LRMDA: variants seen among roughly 807,000 people sequenced by gnomAD.
LRMDA encodes leucine-rich melanocyte differentiation-associated protein.
LRMDA carries 18 observed loss-of-function variants against 29.8 expected under a neutral mutation model. The ratio of observed to expected loss-of-function variants is 0.60; its 90% CI spans 0.42 to 0.90. The LOEUF is 0.90. Ranked by LOEUF, LRMDA falls within the 40% of genes least tolerant of loss-of-function variation. The pLI, the probability that LRMDA is intolerant of heterozygous loss-of-function variation, is 0.00. For synonymous variants in LRMDA, 125 were observed against 109.4 expected (o/e 1.14, Z -0.89); for missense variants, 273 against 273.9 (o/e 1.00, Z 0.02).
intron 5 of LRMDA, among the ~76,000 whole-genome samples, chr10:76,118,208 A>G (rs1463594148): frequency 2.6e-5 from 4 of 152,230 alleles, no homozygotes; most frequent in Non-Finnish European, 5.9e-5. Flanking sequence ...ATGTACATTC[A>G]TGTAAATTAG....
chr10:75,778,720 A>G (rs958667494), intron 2 of LRMDA, among the ~76,000 whole-genome samples: 1 of 152,334 alleles, frequency 6.6e-6, no homozygotes. Context: ...GGTTAAAGAG[A>G]TTAGTCAGTT....
At chr10:76,514,926 A>T (rs1843044622) in intron 6 of LRMDA, among the ~76,000 whole-genome samples, 1 of 152,222 alleles carries the variant, frequency 6.6e-6, no homozygotes, top group South Asian at 2.1e-4. Context: ...CTACCTGCAC[A>T]AGAACGAAGA....
At chr10:75,730,002 T>G (rs1842676983) in intron 2 of LRMDA, among the ~76,000 whole-genome samples, 1 of 152,100 alleles carries the variant, frequency 6.6e-6, no homozygotes, top group Non-Finnish European at 1.5e-5. Context: ...TCTCTCCATG[T>G]GAACTCCTGG....
At chr10:75,460,535 A>C (rs762226328) in intron 2 of LRMDA, among the ~76,000 whole-genome samples, 5 of 152,088 alleles carry the variant, frequency 3.3e-5, no homozygotes, top group Admixed American at 6.5e-5. Flanking sequence ...AGGCCAAATA[A>C]TTTTTTACTT....
At chr10:76,464,761 T>C (rs1842547763) in intron 6 of LRMDA, 1 of 152,224 alleles carries the variant, frequency 6.6e-6, no homozygotes, top group Non-Finnish European at 1.5e-5. Context: ...TTCCAAATGA[T>C]TCATGAGTTT....
chr10:75,562,266 A>C (rs1840307777), intron 2 of LRMDA, among the ~76,000 whole-genome samples: 1 of 152,064 alleles, frequency 6.6e-6, no homozygotes, highest in African/African-American at 2.4e-5. Context: ...TGTTGAATTG[A>C]TCCCTTTACC....
At chr10:76,493,234 T>C (rs747889971) in intron 6 of LRMDA, among the ~76,000 whole-genome samples, 3 of 152,036 alleles carry the variant, frequency 2.0e-5, no homozygotes, top group Non-Finnish European at 4.4e-5. Context: ...GTTTCCACTC[T>C]TCCCTTCCCT....
At position 76,323,273 on chromosome 10, in the gene LRMDA, G is replaced by A. The variant is rs998716232; in HGVS notation, c.517-1128G>A. ...AAATGTCAGAAATGAAATTTAAAGG[G>A]TTTTTCTAGCAAGTAGGTCTAATCT... On this transcript the variant is annotated intron_variant, in intron 5 of 6. Transcript: ENST00000611255. 3.3e-5 allele frequency among the ~76,000 whole-genome samples: 5 copies of A among 151,952 alleles called. No individual in the cohort carries two copies. In the South Asian group the frequency reaches 8.3e-4, roughly 25 times the overall value.
chr10:76,026,581 A>G (rs1564633300), intron 2 of LRMDA, among the ~76,000 whole-genome samples: 2 of 152,206 alleles, frequency 1.3e-5, no homozygotes, highest in Admixed American at 1.3e-4. Flanking sequence ...CCTTTTTATT[A>G]TGGGCACATG....
intron 2 of LRMDA, among the ~76,000 whole-genome samples, chr10:75,915,625 C>T (rs560627739): frequency 7.4e-4 from 112 of 152,230 alleles, no homozygotes; most frequent in African/African-American, 2.5e-3. Flanking sequence ...GTTTGTAGGA[C>T]GACCTAGGCT....
chr10:76,140,387 C>G (rs1472464051), intron 5 of LRMDA, among the ~76,000 whole-genome samples: 1 of 152,120 alleles, frequency 6.6e-6, no homozygotes, highest in African/African-American at 2.4e-5. Flanking sequence ...GACCATACTT[C>G]ACCTGAATAC....
At chr10:76,362,336 T>G (rs1841322762) in intron 6 of LRMDA, among the ~76,000 whole-genome samples, 1 of 152,234 alleles carries the variant, frequency 6.6e-6, no homozygotes, top group African/African-American at 2.4e-5. Flanking sequence ...GGTTTCAATC[T>G]TGTTAACTGG....
At chr10:76,523,497 T>C (rs1202258995) in intron 6 of LRMDA, among the ~76,000 whole-genome samples, 1 of 152,084 alleles carries the variant, frequency 6.6e-6, no homozygotes, top group African/African-American at 2.4e-5. Context: ...CAAATGCCAC[T>C]GTCCCTGAGA....
At chr10:76,240,763 GAGATAGATAGAT>G (rs55944717) in intron 5 of LRMDA, among the ~76,000 whole-genome samples, 82,261 of 143,856 alleles carry the variant, frequency 0.57, 23,552 homozygotes, top group Middle Eastern at 0.66. Flanking sequence ...AAGAAAATGT[GAGATAGATAGAT>G]AGATAGATAG....
intron 2 of LRMDA, among the ~76,000 whole-genome samples, chr10:75,667,253 A>G (rs190192661): frequency 6.6e-6 from 1 of 151,598 alleles, no homozygotes; most frequent in Non-Finnish European, 1.5e-5. Flanking sequence ...AAATTTTATG[A>G]ACATAGGTTA....
At chr10:75,581,799 G>C (rs1363310523) in intron 2 of LRMDA, among the ~76,000 whole-genome samples, 1 of 152,120 alleles carries the variant, frequency 6.6e-6, no homozygotes, top group African/African-American at 2.4e-5. Context: ...TGGGGGGCTA[G>C]GGGAGGGATA....
chr10:75,502,835 A>G (rs1038221436), intron 2 of LRMDA, among the ~76,000 whole-genome samples: 5 of 152,090 alleles, frequency 3.3e-5, no homozygotes, highest in Non-Finnish European at 7.3e-5. Flanking sequence ...TTTTGCAGGC[A>G]CACTTCTCCT....
chr10:76,213,939 G>A (rs1312507657), intron 5 of LRMDA, among the ~76,000 whole-genome samples: 4 of 150,996 alleles, frequency 2.6e-5, no homozygotes, highest in African/African-American at 9.9e-5. Context: ...CTATAGCTAG[G>A]GGGAATTGCC....
chr10:76,288,277 A>G (rs559681321), intron 5 of LRMDA, among the ~76,000 whole-genome samples: 3 of 152,190 alleles, frequency 2.0e-5, no homozygotes, highest in Non-Finnish European at 4.4e-5. Flanking sequence ...CAACAATCCC[A>G]TTATTGGGTA....
Sources: allele counts gnomAD v4.1 joint callset (sites outside exome capture counted in the v4.1 genomes callset), GRCh38; gene constraint gnomAD v4.1.1; transcripts MANE v1.5; gene names NCBI Gene and HGNC (gene_info 2026-07-23, HGNC 2026-07-21).